Variants in PLXDC2 observed in about 807,000 individuals in gnomAD.
PLXDC2 encodes plexin domain containing 2.
PLXDC2 carries 40 observed loss-of-function variants against 68.9 expected under a neutral mutation model. The ratio of observed to expected loss-of-function variants is 0.58; its 90% CI spans 0.45 to 0.76. PLXDC2 has a LOEUF of 0.76. PLXDC2 is among the 30% of genes least tolerant of loss of function. The probability of loss-of-function intolerance (pLI) is 0.00; values close to 1 mark genes in which losing one functional copy is unlikely to be tolerated. For missense variants in PLXDC2, 644 were observed against 661.9 expected, an observed-to-expected ratio of 0.97 and a Z score of 0.30; for synonymous variants, 243 against 234.2, an observed-to-expected ratio of 1.04 and a Z score of -0.34.
At chr10:20,160,139 T>C (rs1834271529) in intron 6 of PLXDC2, among the ~76,000 whole-genome samples, 1 of 152,212 alleles carries the variant, frequency 6.6e-6, no homozygotes, top group African/African-American at 2.4e-5. Flanking sequence ...GATGAATGAA[T>C]GAATGGATTC....
At chr10:20,199,241 A>C (rs763381882) in intron 9 of PLXDC2, among the ~76,000 whole-genome samples, 1 of 152,010 alleles carries the variant, frequency 6.6e-6, no homozygotes, top group Non-Finnish European at 1.5e-5. Context: ...TTTTTAAGTT[A>C]ACATTAGCAA....
intron 2 of PLXDC2, among the ~76,000 whole-genome samples, chr10:20,040,119 GA>G (rs1228827078): frequency 6.6e-6 from 1 of 151,994 alleles, no homozygotes; most frequent in Non-Finnish European, 1.5e-5. Flanking sequence ...TCTTTCTAAG[GA>G]ATAAGCAGAA....
intron 7 of PLXDC2, among the ~76,000 whole-genome samples, chr10:20,167,320 A>C (rs1417925906): frequency 6.6e-6 from 1 of 152,112 alleles, no homozygotes; most frequent in Admixed American, 6.6e-5. Context: ...ATTCTCAGCT[A>C]ACAGAAAGTG....
At chr10:20,034,277 A>G (rs1835544766) in intron 2 of PLXDC2, among the ~76,000 whole-genome samples, 1 of 152,208 alleles carries the variant, frequency 6.6e-6, no homozygotes, top group Non-Finnish European at 1.5e-5. Flanking sequence ...AGACAGAAAT[A>G]TATTTGGATA....
At chr10:19,871,527 A>C (rs1443518789) in intron 1 of PLXDC2, among the ~76,000 whole-genome samples, 1 of 152,164 alleles carries the variant, frequency 6.6e-6, no homozygotes, top group Admixed American at 6.5e-5. Context: ...TTAATTGTGC[A>C]GATTGATCAT....
At chr10:20,230,081 C>A (rs2131877143) in intron 12 of PLXDC2, among the ~76,000 whole-genome samples, 1 of 152,200 alleles carries the variant, frequency 6.6e-6, no homozygotes, top group Admixed American at 6.5e-5. Context: ...AAATGGCAGA[C>A]CAAATACAAA....
intron 3 of PLXDC2, among the ~76,000 whole-genome samples, chr10:20,049,892 C>T (rs1835863017): frequency 6.6e-6 from 1 of 151,902 alleles, no homozygotes; most frequent in African/African-American, 2.4e-5. Context: ...AAAAAGAGCC[C>T]AAATAGCCAA....
intron 2 of PLXDC2, among the ~76,000 whole-genome samples, chr10:20,035,285 T>A (rs1835559662): frequency 1.3e-5 from 2 of 152,150 alleles, no homozygotes; most frequent in South Asian, 4.1e-4. Context: ...ACTTCCTGAA[T>A]CTGGGAGGCT....
chr10:20,208,878 G>A (rs908748478), intron 9 of PLXDC2, among the ~76,000 whole-genome samples: 6 of 152,018 alleles, frequency 3.9e-5, no homozygotes, highest in Non-Finnish European at 8.8e-5. Context: ...CATGTCGGCA[G>A]GTTGCGTGAT....
At chr10:20,096,646 C>A (rs972962207) in intron 4 of PLXDC2, among the ~76,000 whole-genome samples, 1 of 151,970 alleles carries the variant, frequency 6.6e-6, no homozygotes, top group African/African-American at 2.4e-5. Context: ...AGAAACGAAT[C>A]AAGTAGGAGA....
At chr10:20,204,984 A>G (rs574919652) in intron 9 of PLXDC2, among the ~76,000 whole-genome samples, 4 of 152,264 alleles carry the variant, frequency 2.6e-5, no homozygotes, top group African/African-American at 9.6e-5. Context: ...TAAGACAAGC[A>G]CTTCATTTTT....
chr10:20,278,996 T>C (rs958550747), intron 13 of PLXDC2, among the ~76,000 whole-genome samples: 1 of 152,196 alleles, frequency 6.6e-6, no homozygotes, highest in South Asian at 2.1e-4. Flanking sequence ...AAATGCTCTC[T>C]TTTTGTCAAT....
At chr10:20,038,901 A>C (rs958251090) in intron 2 of PLXDC2, among the ~76,000 whole-genome samples, 6 of 152,310 alleles carry the variant, frequency 3.9e-5, no homozygotes, top group African/African-American at 1.2e-4. Flanking sequence ...TTTCCAACCC[A>C]GCCAGGAGTC....
intron 1 of PLXDC2, among the ~76,000 whole-genome samples, chr10:19,852,532 A>C (rs970827050): frequency 4.0e-5 from 6 of 151,848 alleles, no homozygotes; most frequent in Non-Finnish European, 7.4e-5. Flanking sequence ...AAAAGATTTC[A>C]AATCACTGAA....
At chr10:19,941,464 C>T (rs1002007386) in intron 1 of PLXDC2, among the ~76,000 whole-genome samples, 3 of 152,172 alleles carry the variant, frequency 2.0e-5, no homozygotes, top group Admixed American at 6.5e-5. Context: ...ATATGATGGG[C>T]AGAGCATTTT....
intron 1 of PLXDC2, 88 bp downstream of exon 1, chr10:19,817,279 C>A: frequency 9.5e-7 from 1 of 1,054,752 alleles, no homozygotes; most frequent in Admixed American, 2.1e-5. Context: ...CTCCCCCCAA[C>A]ATCACCTATC....
intron 9 of PLXDC2, among the ~76,000 whole-genome samples, chr10:20,178,691 A>T (rs1334071360): frequency 1.3e-5 from 2 of 152,152 alleles, no homozygotes; most frequent in African/African-American, 4.8e-5. Context: ...GCAAAAATAA[A>T]ATGCCGATAT....
chr10:20,193,995 T>C (rs1834803425), intron 9 of PLXDC2, among the ~76,000 whole-genome samples: 1 of 151,976 alleles, frequency 6.6e-6, no homozygotes, highest in Non-Finnish European at 1.5e-5. Context: ...TTGTTGGCAA[T>C]CTACTTAAGG....
chr10:20,104,573 A>G (rs958992717), intron 4 of PLXDC2, among the ~76,000 whole-genome samples: 5 of 152,204 alleles, frequency 3.3e-5, no homozygotes, highest in Non-Finnish European at 7.3e-5. Context: ...TGCAGCAGCT[A>G]GGTTCCATGT....
Sources: allele counts gnomAD v4.1 joint callset (sites outside exome capture counted in the v4.1 genomes callset), GRCh38; gene constraint gnomAD v4.1.1; transcripts MANE v1.5; gene names NCBI Gene and HGNC (gene_info 2026-07-23, HGNC 2026-07-21).